ELF2: variants seen among roughly 807,000 people sequenced by gnomAD.
ELF2 encodes the protein E74 like ETS transcription factor 2, also known as ETS-related transcription factor Elf-2.
ELF2 carries 11 observed loss-of-function variants against 54.8 expected under a neutral mutation model. That is an observed-to-expected ratio of 0.20 (90% CI 0.13 to 0.33). ELF2 has a LOEUF of 0.33. ELF2 is among the 10% of genes least tolerant of loss of function. The pLI is 1.00. For synonymous variants in ELF2, 203 were observed against 245.1 expected (o/e 0.83, Z 1.61); for missense variants, 513 against 703.0 (o/e 0.73, Z 3.06).
At chr4:139,122,797 G>A (rs1005484324) in intron 4 of ELF2, among the ~76,000 whole-genome samples, 5 of 151,558 alleles carry the variant, frequency 3.3e-5, no homozygotes, top group South Asian at 4.2e-4. Context: ...TACCACGCTC[G>A]GCCTGATTCT....
chr4:139,147,630 C>A (rs1045535208), intron 1 of ELF2, among the ~76,000 whole-genome samples: 1 of 152,028 alleles, frequency 6.6e-6, no homozygotes, highest in Non-Finnish European at 1.5e-5. Flanking sequence ...TGCCACTGCG[C>A]CCAGCTAATT....
At chr4:139,155,956 G>A (rs1740482747) in intron 1 of ELF2, among the ~76,000 whole-genome samples, 1 of 152,066 alleles carries the variant, frequency 6.6e-6, no homozygotes, top group Admixed American at 6.5e-5. Flanking sequence ...TTGCAAGAAA[G>A]CTCTTTAATC....
At chr4:139,071,222 T>C (rs1729464509) in intron 6 of ELF2, among the ~76,000 whole-genome samples, 1 of 151,966 alleles carries the variant, frequency 6.6e-6, no homozygotes, top group African/African-American at 2.4e-5. Flanking sequence ...AAGGTAAAAA[T>C]AGCATGATAT....
chr4:139,124,714 A>G (rs577407844), intron 4 of ELF2, among the ~76,000 whole-genome samples: 2 of 152,184 alleles, frequency 1.3e-5, no homozygotes, highest in Non-Finnish European at 2.9e-5. Context: ...CTGATAGAAC[A>G]CTACAATGAT....
chr4:139,153,434 C>CA (rs1457997495), intron 1 of ELF2, among the ~76,000 whole-genome samples: 11 of 150,210 alleles, frequency 7.3e-5, no homozygotes, highest in African/African-American at 2.7e-4. Context: ...GACCCTGTCT[C>CA]AAAAAATAAA....
rs189741233 is a variant in ELF2 at position 139,096,340 on chromosome 4, T to A, written c.239-22773A>T. 3.0e-4 allele frequency among the ~76,000 whole-genome samples: 46 copies of A among 152,310 alleles called. No homozygotes were observed. In the East Asian group the frequency reaches 3.5e-3, roughly 11 times the overall value. ...ATCTGGGTCTGATGGACTTTTTTTT[T>A]AATACTTCCACGTTATAATGGACTT... On this transcript the variant is annotated intron_variant, in intron 4 of 9. Coordinates refer to ENST00000686138, the MANE Select transcript of ELF2 (RefSeq NM_001331036.3).
chr4:139,128,797 C>T (rs1737203287), intron 3 of ELF2, among the ~76,000 whole-genome samples: 2 of 152,128 alleles, frequency 1.3e-5, no homozygotes, highest in Non-Finnish European at 2.9e-5. Flanking sequence ...GCTGGCATTA[C>T]AAGCATGGGC....
At chr4:139,066,362 C>CT (rs1728705576) in intron 7 of ELF2, 1 of 151,922 alleles carries the variant, frequency 6.6e-6, no homozygotes, top group African/African-American at 2.4e-5. Flanking sequence ...AATCCCAACA[C>CT]TTTGGGAGGC....
intron 1 of ELF2, among the ~76,000 whole-genome samples, chr4:139,160,780 T>C (rs1320627983): frequency 6.6e-6 from 1 of 151,942 alleles, no homozygotes; most frequent in African/African-American, 2.4e-5. Flanking sequence ...CTGGTCAACA[T>C]GCTGAAACCC....
intron 4 of ELF2, chr4:139,084,397 A>C: frequency 2.1e-6 from 3 of 1,412,674 alleles, no homozygotes; most frequent in East Asian, 2.7e-5. Context: ...GGGCTGAGAA[A>C]CCCCACCACC....
At chr4:139,164,363 C>T (rs1186104114) in intron 1 of ELF2, among the ~76,000 whole-genome samples, 2 of 152,248 alleles carry the variant, frequency 1.3e-5, no homozygotes, top group African/African-American at 2.4e-5. Flanking sequence ...TGGTCAGGCA[C>T]GGTGGCTCAC....
intron 1 of ELF2, among the ~76,000 whole-genome samples, chr4:139,164,705 T>C (rs1297897281): frequency 6.6e-6 from 1 of 152,186 alleles, no homozygotes; most frequent in Non-Finnish European, 1.5e-5. Context: ...AGTCTTGATC[T>C]GTTCTTAGTA....
chr4:139,107,832 A>C (rs2148801034), intron 4 of ELF2, among the ~76,000 whole-genome samples: 1 of 152,336 alleles, frequency 6.6e-6, no homozygotes, highest in South Asian at 2.1e-4. Flanking sequence ...ACATGATAAA[A>C]CTGATAAATA....
At chr4:139,111,719 G>GA (rs1734965751) in intron 4 of ELF2, among the ~76,000 whole-genome samples, 1 of 152,066 alleles carries the variant, frequency 6.6e-6, no homozygotes, top group Admixed American at 6.6e-5. Flanking sequence ...TCCTCCTCCT[G>GA]AAACAACACC....
At chr4:139,132,771 T>C (rs1216383909) in intron 3 of ELF2, among the ~76,000 whole-genome samples, 2 of 150,260 alleles carry the variant, frequency 1.3e-5, no homozygotes, top group Admixed American at 1.3e-4. Context: ...AGTCAAATTA[T>C]CAGATCACAT....
In ELF2 at chr4:139,173,429, A is replaced by G. The variant is rs541806274; in HGVS notation, c.-252+3538T>C. On this transcript the variant is annotated intron_variant, in intron 1 of 9. Coordinates refer to ENST00000686138, the MANE Select transcript of ELF2 (RefSeq NM_001331036.3). ...CTGATGCACAGATAAATAAAATGTAATATGTCCATAAATAGAATATTACTC... is the reference window on the plus strand; with the variant it reads ...CTGATGCACAGATAAATAAAATGTAGTATGTCCATAAATAGAATATTACTC... Among the ~76,000 whole-genome samples the G allele has an allele frequency of 2.0e-5, 3 of 152,256 alleles. 1 individual carries two copies. Among genetic ancestry groups the G allele is most frequent in the South Asian group, 4.1e-4 (2 of 4,832 alleles).
At chr4:139,175,691 A>C (rs534163817) in intron 1 of ELF2, among the ~76,000 whole-genome samples, 1 of 152,334 alleles carries the variant, frequency 6.6e-6, no homozygotes, top group Admixed American at 6.5e-5. Context: ...AAGGAAAACA[A>C]ATCTGATTAT....
intron 7 of ELF2, among the ~76,000 whole-genome samples, chr4:139,064,737 G>T (rs1317811657): frequency 6.6e-6 from 1 of 151,834 alleles, no homozygotes; most frequent in African/African-American, 2.4e-5. Context: ...AAAATTAGCC[G>T]GGCGTGGTGC....
chr4:139,160,021 T>A (rs548822009), intron 1 of ELF2, among the ~76,000 whole-genome samples: 1 of 152,250 alleles, frequency 6.6e-6, no homozygotes, highest in East Asian at 1.9e-4. Flanking sequence ...GTAGCCTCAA[T>A]GATAGATGTG....
Sources: allele counts gnomAD v4.1 joint callset (sites outside exome capture counted in the v4.1 genomes callset), GRCh38; gene constraint gnomAD v4.1.1; transcripts MANE v1.5; gene names NCBI Gene and HGNC (gene_info 2026-07-23, HGNC 2026-07-21).